TTLL11: variants seen among roughly 807,000 people sequenced by gnomAD.
TTLL11 encodes tubulin polyglutamylase TTLL11.
TTLL11 carries 42 observed loss-of-function variants against 51.7 expected under a neutral mutation model. The observed-to-expected ratio is 0.81, with a 90% CI of 0.64 to 1.05. The LOEUF (loss-of-function observed/expected upper bound fraction) is 1.05. Among genes scored for constraint, TTLL11 ranks in the 50% least tolerant of loss-of-function variants. TTLL11 has a pLI of 0.00. For synonymous variants in TTLL11, 381 were observed against 383.5 expected, an observed-to-expected ratio of 0.99 and a Z score of 0.08; for missense variants, 799 against 940.4, an observed-to-expected ratio of 0.85 and a Z score of 1.97.
At chr9:121,961,689 G>A (rs566970054) in intron 6 of TTLL11, among the ~76,000 whole-genome samples, 32 of 152,158 alleles carry the variant, frequency 2.1e-4, no homozygotes, top group Non-Finnish European at 3.4e-4. Context: ...GGTAAACTCT[G>A]GTCCAGTCAT....
At chr9:122,005,088 G>A (rs1843604239) in intron 3 of TTLL11, among the ~76,000 whole-genome samples, 1 of 152,198 alleles carries the variant, frequency 6.6e-6, no homozygotes, top group African/African-American at 2.4e-5. Flanking sequence ...GGAGAAACGT[G>A]TCAACTCAGG....
intron 6 of TTLL11, among the ~76,000 whole-genome samples, chr9:121,895,956 G>T (rs111264830): frequency 2.4e-5 from 2 of 84,106 alleles, no homozygotes; most frequent in African/African-American, 4.1e-5. Context: ...GTGGGTGTGG[G>T]TGTGTGGGTG....
intron 6 of TTLL11, among the ~76,000 whole-genome samples, chr9:121,952,019 G>T (rs1247177332): frequency 6.6e-6 from 1 of 152,170 alleles, no homozygotes; most frequent in Admixed American, 6.5e-5. Flanking sequence ...GTGGGTTTTA[G>T]CTGGCTTCTT....
intron 3 of TTLL11, among the ~76,000 whole-genome samples, chr9:122,018,850 C>T (rs556169566): frequency 5.3e-5 from 8 of 152,358 alleles, no homozygotes; most frequent in East Asian, 1.9e-4. Context: ...GGGCTTAGAA[C>T]GCTAAAGCGG....
intron 6 of TTLL11, among the ~76,000 whole-genome samples, chr9:121,893,368 G>A (rs762876326): frequency 2.6e-5 from 4 of 152,010 alleles, no homozygotes; most frequent in Admixed American, 1.3e-4. Context: ...GTGTGTGTGT[G>A]TGAGGGGGGC....
rs10985410 is a variant in TTLL11 at position 121,838,033 on chromosome 9, T to C, written c.1841-15154A>G. Among the ~76,000 whole-genome samples, 836 of 152,348 alleles carry C rather than the reference T, an allele frequency of 5.5e-3. 5 individuals are homozygous for C. Among genetic ancestry groups the C allele is most frequent in the Admixed American group, 0.012 (186 of 15,310 alleles). Reference sequence around the variant, plus strand: ...CTCGCTCTCTCTTCCTGTCATTCATTCCCCAGGTTGAAATACCTTCAATGA... The same window carrying C: ...CTCGCTCTCTCTTCCTGTCATTCATCCCCCAGGTTGAAATACCTTCAATGA... On this transcript the variant is annotated intron_variant, in intron 8 of 8. Transcript: ENST00000321582.
intron 6 of TTLL11, among the ~76,000 whole-genome samples, chr9:121,954,705 C>A (rs1288651523): frequency 6.6e-6 from 1 of 151,076 alleles, no homozygotes; most frequent in Admixed American, 6.6e-5. Flanking sequence ...CACAGACACA[C>A]ACACACACAT....
chr9:121,938,650 C>T (rs1330448585), intron 6 of TTLL11, among the ~76,000 whole-genome samples: 3 of 152,012 alleles, frequency 2.0e-5, no homozygotes, highest in Admixed American at 6.6e-5. Context: ...AGAATATGAA[C>T]AGATAATTCA....
intron 4 of TTLL11, among the ~76,000 whole-genome samples, chr9:121,980,366 T>A (rs1842801825): frequency 6.6e-6 from 1 of 152,162 alleles, no homozygotes; most frequent in East Asian, 1.9e-4. Context: ...GTGCCTTACC[T>A]CTTTCATAGT....
At chr9:122,090,488 G>C (rs972113236) in intron 1 of TTLL11, among the ~76,000 whole-genome samples, 4 of 152,056 alleles carry the variant, frequency 2.6e-5, no homozygotes, top group African/African-American at 9.7e-5. Flanking sequence ...TGCAACCAGG[G>C]ATCCAAAGTC....
At chr9:121,846,312 T>C (rs1837514653) in intron 8 of TTLL11, among the ~76,000 whole-genome samples, 1 of 152,042 alleles carries the variant, frequency 6.6e-6, no homozygotes, top group Non-Finnish European at 1.5e-5. Context: ...CAAAGAAAAA[T>C]AGATAAATCT....
At chr9:121,873,633 CCTCCTCCTCTCT>C (rs1489630878) in intron 6 of TTLL11, among the ~76,000 whole-genome samples, 6 of 148,428 alleles carry the variant, frequency 4.0e-5, no homozygotes, top group African/African-American at 1.0e-4. Context: ...TCCTCCTCCT[CCTCCTCCTCTCT>C]TCTTCTTCTT....
At position 121,995,674 on chromosome 9, in the gene TTLL11, G is replaced by A. The variant is rs969245374; in HGVS notation, c.694-5904C>T. Among the ~76,000 whole-genome samples, 4 of 152,136 alleles carry A rather than the reference G, an allele frequency of 2.6e-5. No homozygotes were observed. The highest frequency in any genetic ancestry group is 2.9e-5 in the Non-Finnish European group (2 of 68,026). ...TTCATCTAATGAGTATTATTTGCAC[G>A]ACTCCAGACAGAGCTAATTTAGGAC... On this transcript the variant is annotated intron_variant, in intron 3 of 8. Transcript: ENST00000321582. This position sits in a 1 kb window ranked among gnomAD's most constrained non-coding sequence, Gnocchi z 4.4.
chr9:121,870,656 G>A lies in TTLL11; in HGVS notation c.1574C>T (p.Ala525Val). ...CTTGAGGCAAATGGAAGGCAGGTGG[G>A]CTTCGGGGTTGGCGTTGCAGTCTGG... ...SAPDCNANPE[A>V]HLPSICLKQV... Residue 525 changes from alanine to valine, a missense_variant, in exon 7 of 9, where the codon GCC becomes GTC. This residue lies in a region of TTLL11 where 468 missense variants were observed against 612.8 expected (regional missense o/e 0.76). Coordinates refer to ENST00000321582, the MANE Select transcript of TTLL11 (RefSeq NM_001139442.2). 6.4e-7 allele frequency: 1 copy of A among 1,551,768 alleles called. No individual in the cohort carries two copies. The highest frequency in any genetic ancestry group is 8.7e-7 in the Non-Finnish European group (1 of 1,147,014).
chr9:121,910,942 T>C (rs971183563), intron 6 of TTLL11, among the ~76,000 whole-genome samples: 6 of 152,186 alleles, frequency 3.9e-5, no homozygotes, highest in Non-Finnish European at 5.9e-5. Context: ...GGAATAGTCA[T>C]AGAGATTTTT....
intron 6 of TTLL11, among the ~76,000 whole-genome samples, chr9:121,909,633 T>C (rs1024849016): frequency 6.6e-6 from 1 of 152,186 alleles, no homozygotes; most frequent in Non-Finnish European, 1.5e-5. Flanking sequence ...CCAGGCATTG[T>C]GTTGGGAACT....
chr9:121,972,496 G>C (rs1469226558), intron 6 of TTLL11, among the ~76,000 whole-genome samples: 1 of 152,226 alleles, frequency 6.6e-6, no homozygotes, highest in Non-Finnish European at 1.5e-5. Context: ...TGGTGGGATT[G>C]GCCCATGCAA....
intron 1 of TTLL11, among the ~76,000 whole-genome samples, chr9:122,082,009 C>T (rs1846013774): frequency 6.6e-6 from 1 of 152,112 alleles, no homozygotes; most frequent in Non-Finnish European, 1.5e-5. Flanking sequence ...ATTAAAAGAA[C>T]ACATTTTTAC....
chr9:121,846,813 G>A (rs1054684051), intron 8 of TTLL11, among the ~76,000 whole-genome samples: 6 of 152,160 alleles, frequency 3.9e-5, no homozygotes, highest in African/African-American at 1.2e-4. Context: ...TATAGCAATA[G>A]ATTAGACAAG....
Sources: gnomAD v4.1 joint callset for allele counts (sites outside exome capture counted in the v4.1 genomes callset) on GRCh38, gnomAD v4.1.1 for gene constraint, gnomAD v4.1.1 regional missense constraint, Gnocchi (gnomAD v3.1) non-coding constraint, MANE v1.5 for transcripts, NCBI Gene and HGNC (gene_info 2026-07-23, HGNC 2026-07-21) for gene names.